The following DENND5A variants were observed in gnomAD, a reference collection of about 807,000 sequenced individuals.
DENND5A encodes the protein DENN domain-containing protein 5A.
Under a neutral mutation model 140.3 loss-of-function variants are expected in DENND5A, and 64 were observed. The observed-to-expected ratio is 0.46, with a 90% CI of 0.37 to 0.56. The LOEUF is 0.56. Among genes scored for constraint, DENND5A ranks in the 20% least tolerant of loss-of-function variants. The pLI, the probability that DENND5A is intolerant of heterozygous loss-of-function variation, is 0.00. For synonymous variants in DENND5A, 605 were observed against 607.7 expected, an observed-to-expected ratio of 1.00 and a Z score of 0.07; for missense variants, 1,292 against 1,593.8, an observed-to-expected ratio of 0.81 and a Z score of 3.22.
intron 5 of DENND5A, 31 bp from the exon 6 acceptor site, chr11:9,181,115 A>G (rs756275493): frequency 4.4e-6 from 7 of 1,587,660 alleles, no homozygotes; most frequent in Non-Finnish European, 4.3e-6. Context: ...AGGAGTATGA[A>G]TAACTCCAGA....
At chr11:9,150,317 A>C (rs1012288697) in intron 14 of DENND5A, 108 bp from the exon 15 acceptor site, 97 of 1,315,472 alleles carry the variant, frequency 7.4e-5, no homozygotes, top group Non-Finnish European at 9.0e-5. Flanking sequence ...GACTTATCTC[A>C]CCCTGGGAGA....
chr11:9,192,750 T>C (rs1849180462), intron 5 of DENND5A, among the ~76,000 whole-genome samples: 1 of 152,158 alleles, frequency 6.6e-6, no homozygotes, highest in Non-Finnish European at 1.5e-5. Flanking sequence ...TTCCCAGGCC[T>C]TTCTAATGAC....
intron 20 of DENND5A, 66 bp downstream of exon 20, chr11:9,143,337 C>T (rs940479666): frequency 1.8e-5 from 25 of 1,416,690 alleles, no homozygotes; most frequent in Admixed American, 5.0e-5. Context: ...ACAAGATAAT[C>T]GGAAAAACAA....
At chr11:9,162,190 A>G (rs1848007075) in intron 11 of DENND5A, among the ~76,000 whole-genome samples, 1 of 147,846 alleles carries the variant, frequency 6.8e-6, no homozygotes, top group Non-Finnish European at 1.5e-5. Context: ...TATAATATAT[A>G]TATGCTATTA....
chr11:9,238,852 C>T (rs577822128), intron 1 of DENND5A, among the ~76,000 whole-genome samples: 19 of 142,100 alleles, frequency 1.3e-4, no homozygotes, highest in African/African-American at 4.4e-4. Context: ...TTTTTTGACA[C>T]CTAATTTTCA....
chr11:9,147,585 T>C (rs542371144), intron 15 of DENND5A, among the ~76,000 whole-genome samples: 30 of 152,008 alleles, frequency 2.0e-4, no homozygotes, highest in Non-Finnish European at 3.7e-4. Flanking sequence ...GAACCCTGAG[T>C]AGATCTGAGA....
chr11:9,208,907 T>C (rs6486209), intron 1 of DENND5A, among the ~76,000 whole-genome samples: 22,362 of 152,250 alleles, frequency 0.15, 2,066 homozygotes, highest in Non-Finnish European at 0.21. Flanking sequence ...GGCTCAGAGC[T>C]TTCTGTAACA....
At position 9,216,501 on chromosome 11, in the gene DENND5A, G is replaced by T. The variant is rs113401524; in HGVS notation, c.110-8869C>A. Among the ~76,000 whole-genome samples, 596 of 152,312 alleles carry T rather than the reference G, an allele frequency of 3.9e-3. 4 individuals carry two copies. The highest frequency in any genetic ancestry group is 7.0e-3 in the Non-Finnish European group (477 of 68,026). On this transcript the variant is annotated intron_variant, in intron 1 of 22. Coordinates refer to ENST00000328194, the MANE Select transcript of DENND5A (RefSeq NM_015213.4). ...ATGGATGAATGGTTACCAACAGTAGGCTTGAGAAAGGCTGAGATACAACGT... is the reference window on the plus strand; with the variant it reads ...ATGGATGAATGGTTACCAACAGTAGTCTTGAGAAAGGCTGAGATACAACGT...
chr11:9,234,163 A>G (rs1436557021), intron 1 of DENND5A, among the ~76,000 whole-genome samples: 3 of 148,058 alleles, frequency 2.0e-5, no homozygotes, highest in Non-Finnish European at 3.0e-5. Context: ...TGGGCAACAG[A>G]GCAAAACTCC....
chr11:9,191,349 T>C (rs1176070110), intron 5 of DENND5A, among the ~76,000 whole-genome samples: 1 of 152,146 alleles, frequency 6.6e-6, no homozygotes, highest in African/African-American at 2.4e-5. Flanking sequence ...ACAATTCTCC[T>C]GCCTCAGCCT....
intron 1 of DENND5A, among the ~76,000 whole-genome samples, chr11:9,221,209 T>C (rs1289674527): frequency 6.6e-6 from 1 of 151,622 alleles, no homozygotes; most frequent in East Asian, 2.0e-4. Flanking sequence ...GGCAGGTGGA[T>C]CACCTGAAGT....
intron 1 of DENND5A, among the ~76,000 whole-genome samples, chr11:9,214,479 C>T (rs192849957): frequency 6.6e-6 from 1 of 152,312 alleles, no homozygotes. Context: ...CACACATACA[C>T]AATAAGGACT....
At chr11:9,153,015 A>G (rs10047438) in intron 12 of DENND5A, among the ~76,000 whole-genome samples, 68,296 of 146,916 alleles carry the variant, frequency 0.46, 17,130 homozygotes, top group African/African-American at 0.65. Flanking sequence ...AAAAAACAAA[A>G]AAGAAAGAAA....
At chr11:9,185,660 A>G (rs763713010) in intron 5 of DENND5A, among the ~76,000 whole-genome samples, 1 of 152,200 alleles carries the variant, frequency 6.6e-6, no homozygotes, top group Non-Finnish European at 1.5e-5. Flanking sequence ...CATGTATCCC[A>G]GAACTTAAGA....
chr11:9,156,567 C>T lies in DENND5A; in HGVS notation c.2437-4125G>A, dbSNP rs370869670. 1.0e-4 allele frequency among the ~76,000 whole-genome samples: 15 copies of T among 150,356 alleles called. No homozygotes were observed. The South Asian group carries it at 2.7e-3, about 27-fold the overall frequency. On this transcript the variant is annotated intron_variant, in intron 12 of 22. Transcript: ENST00000328194. Reference sequence around the variant, plus strand: ...GCTTGAACCAGGGAGGTGGAGGTTGCAGTGAGCCAAGATCGCGCCATTGCA... The same window carrying T: ...GCTTGAACCAGGGAGGTGGAGGTTGTAGTGAGCCAAGATCGCGCCATTGCA...
intron 1 of DENND5A, among the ~76,000 whole-genome samples, chr11:9,221,045 G>C (rs1156245891): frequency 4.6e-5 from 7 of 150,662 alleles, no homozygotes; most frequent in African/African-American, 1.7e-4. Flanking sequence ...TGGCGCCATT[G>C]AGCTCCAACC....
chr11:9,261,777 C>CAAAAAAAA lies in DENND5A; in HGVS notation c.109+3176_109+3183dup, dbSNP rs10651988. ...GGGGCAACAGAGTGAGACTGTGTCT[C>CAAAAAAAA]AAAAAAAAAAAAAAAAAAAGATTCC... On this transcript the variant is annotated intron_variant, in intron 1 of 22. Coordinates refer to ENST00000328194, the MANE Select transcript of DENND5A (RefSeq NM_015213.4). 3.3e-5 allele frequency among the ~76,000 whole-genome samples: 3 copies of CAAAAAAAA among 89,806 alleles called. 1 individual carries two copies. The highest frequency in any genetic ancestry group is 4.7e-4 in the South Asian group (1 of 2,130). 58.9% of individuals were successfully genotyped at this position (89,806 alleles called of 152,430 possible). A position where few individuals can be genotyped will look rare whatever the true frequency, so the allele number is the denominator to read the frequency against.
intron 8 of DENND5A, among the ~76,000 whole-genome samples, chr11:9,174,534 GA>G (rs1848487418): frequency 2.8e-5 from 3 of 108,210 alleles, no homozygotes; most frequent in Admixed American, 9.2e-5. Flanking sequence ...TTTTTTTTTA[GA>G]AAAAAAAATT....
At chr11:9,256,727 T>A (rs1851961700) in intron 1 of DENND5A, among the ~76,000 whole-genome samples, 1 of 152,154 alleles carries the variant, frequency 6.6e-6, no homozygotes, top group South Asian at 2.1e-4. Context: ...TGCCTAGGGT[T>A]CAGGGTTAGA....
Sources: gnomAD v4.1 joint callset for allele counts (sites outside exome capture counted in the v4.1 genomes callset) on GRCh38, gnomAD v4.1.1 for gene constraint, MANE v1.5 for transcripts, NCBI Gene and HGNC (gene_info 2026-07-23, HGNC 2026-07-21) for gene names.